KATNAL2: variants seen among roughly 807,000 people sequenced by gnomAD.
KATNAL2 encodes the protein katanin catalytic subunit A1 like 2, also known as katanin p60 ATPase-containing subunit A-like 2.
A neutral mutation model predicts 76.3 loss-of-function variants in KATNAL2; 52 were observed. The ratio of observed to expected loss-of-function variants is 0.68; its 90% confidence interval spans 0.55 to 0.86. The LOEUF (loss-of-function observed/expected upper bound fraction) is 0.86. KATNAL2 is among the 40% of genes least tolerant of loss of function. The pLI, the probability that KATNAL2 is intolerant of heterozygous loss-of-function variation, is 0.00. For missense variants in KATNAL2, 660 were observed against 668.9 expected (o/e 0.99, Z 0.15); for synonymous variants, 243 against 244.2 (o/e 1.00, Z 0.05).
chr18:47,058,627 G>GAAACT (rs2061539318), intron 7 of KATNAL2, among the ~76,000 whole-genome samples: 1 of 144,450 alleles, frequency 6.9e-6, no homozygotes, highest in African/African-American at 2.5e-5. Context: ...GTGGGGCCAG[G>GAAACT]GCCCAGTCAG....
intron 3 of KATNAL2, among the ~76,000 whole-genome samples, chr18:46,961,538 C>G (rs2059952714): frequency 6.6e-6 from 1 of 152,200 alleles, no homozygotes; most frequent in East Asian, 1.9e-4. Flanking sequence ...CTTCCTATTA[C>G]TAGCAATAAA....
At chr18:47,096,053 A>T (rs1433011195) in intron 15 of KATNAL2, among the ~76,000 whole-genome samples, 1 of 152,228 alleles carries the variant, frequency 6.6e-6, no homozygotes, top group Non-Finnish European at 1.5e-5. Flanking sequence ...CAAAAAAGAA[A>T]TAGGTCATTG....
intron 15 of KATNAL2, among the ~76,000 whole-genome samples, chr18:47,097,715 T>C (rs900255996): frequency 3.3e-5 from 5 of 152,222 alleles, no homozygotes; most frequent in Non-Finnish European, 5.9e-5. Flanking sequence ...ATTTTGGGGA[T>C]GGTTGGAGTA....
intron 1 of KATNAL2, chr18:46,920,291 G>T: frequency 2.8e-6 from 1 of 351,446 alleles, no homozygotes; most frequent in South Asian, 2.2e-5. Flanking sequence ...TAGATCAAGT[G>T]TGGACCCGTG....
At chr18:47,084,433 T>G (rs1201400654) in intron 15 of KATNAL2, 1 of 702,616 alleles carries the variant, frequency 1.4e-6, no homozygotes, top group Admixed American at 2.0e-5. Flanking sequence ...CCAAAAGCAG[T>G]CTGCCACAGG....
intron 1 of KATNAL2, among the ~76,000 whole-genome samples, chr18:46,942,188 C>T (rs2059265450): frequency 8.9e-6 from 1 of 112,948 alleles, no homozygotes; most frequent in African/African-American, 3.5e-5. Flanking sequence ...GAACTCATAT[C>T]TAATACAGCC....
At chr18:47,037,485 C>A (rs1221249232) in intron 3 of KATNAL2, among the ~76,000 whole-genome samples, 1 of 152,094 alleles carries the variant, frequency 6.6e-6, no homozygotes, top group Non-Finnish European at 1.5e-5. Flanking sequence ...AGGGGCACAC[C>A]ATCTCTTACA....
intron 8 of KATNAL2, among the ~76,000 whole-genome samples, chr18:47,059,996 C>T (rs2061584228): frequency 5.5e-5 from 2 of 36,434 alleles, no homozygotes; most frequent in Admixed American, 5.1e-4. Context: ...TCGTTCTCAT[C>T]ATTTTTTTTT....
intron 15 of KATNAL2, among the ~76,000 whole-genome samples, chr18:47,083,087 C>T (rs2062606131): frequency 6.6e-6 from 1 of 152,186 alleles, no homozygotes; most frequent in Non-Finnish European, 1.5e-5. Context: ...AGAAATAACA[C>T]TGAAATGAAT....
At chr18:47,076,149 A>T (rs2062210621) in intron 14 of KATNAL2, 1 of 152,226 alleles carries the variant, frequency 6.6e-6, no homozygotes, top group South Asian at 2.1e-4. Flanking sequence ...GACTATCATC[A>T]AGGCAGAAGT....
chr18:47,048,849 T>A (rs1347865655), intron 4 of KATNAL2, among the ~76,000 whole-genome samples: 1 of 146,130 alleles, frequency 6.8e-6, no homozygotes, highest in East Asian at 2.0e-4. Context: ...TTTTTTTTTT[T>A]TTTGAGACGG....
At chr18:46,940,200 T>TG (rs137863722) in intron 1 of KATNAL2, among the ~76,000 whole-genome samples, 3,756 of 152,270 alleles carry the variant, frequency 0.025, 149 homozygotes, top group African/African-American at 0.086. Context: ...AACTGTTATG[T>TG]GGGGCTACAG....
chr18:46,944,815 C>T (rs1382533894), intron 1 of KATNAL2, among the ~76,000 whole-genome samples: 1 of 152,118 alleles, frequency 6.6e-6, no homozygotes, highest in African/African-American at 2.4e-5. Flanking sequence ...GTAATCCCAG[C>T]TACTCAGGAG....
intron 3 of KATNAL2, among the ~76,000 whole-genome samples, chr18:46,954,997 T>C (rs2059682293): frequency 6.6e-6 from 1 of 152,022 alleles, no homozygotes; most frequent in South Asian, 2.1e-4. Flanking sequence ...TGGTTTTCTC[T>C]ATTTTTGGTT....
At chr18:47,033,158 G>A (rs866270879) in intron 3 of KATNAL2, 7 of 1,614,064 alleles carry the variant, frequency 4.3e-6, no homozygotes, top group East Asian at 4.5e-5. Context: ...GGGAGCCAGC[G>A]AAGGATGCTG....
chr18:46,945,457 T>C (rs1217573063), intron 1 of KATNAL2, among the ~76,000 whole-genome samples: 1 of 152,242 alleles, frequency 6.6e-6, no homozygotes, highest in African/African-American at 2.4e-5. Context: ...CCAAATAAAC[T>C]ACTCATTAGT....
At chr18:47,068,079 T>C (rs1324072110) in intron 11 of KATNAL2, among the ~76,000 whole-genome samples, 1 of 152,222 alleles carries the variant, frequency 6.6e-6, no homozygotes, top group Non-Finnish European at 1.5e-5. Context: ...ATGCCTCTTA[T>C]ATTTTTTTGC....
intron 3 of KATNAL2, among the ~76,000 whole-genome samples, chr18:47,036,997 A>T (rs1458851950): frequency 2.0e-5 from 3 of 152,236 alleles, no homozygotes; most frequent in African/African-American, 7.2e-5. Flanking sequence ...CTTTTAGGGG[A>T]ATATTAGATG....
chr18:46,927,962 T>G (rs2058780615), intron 1 of KATNAL2, among the ~76,000 whole-genome samples: 1 of 152,188 alleles, frequency 6.6e-6, no homozygotes, highest in Admixed American at 6.5e-5. Flanking sequence ...TTCTCTGCAT[T>G]GGTTATTCTA....
Sources: gnomAD v4.1 joint callset for allele counts (sites outside exome capture counted in the v4.1 genomes callset) on GRCh38, gnomAD v4.1.1 for gene constraint, MANE v1.5 for transcripts, NCBI Gene and HGNC (gene_info 2026-07-23, HGNC 2026-07-21) for gene names.